DZIP3: variants seen among roughly 807,000 people sequenced by gnomAD.
DZIP3 encodes E3 ubiquitin-protein ligase DZIP3.
A neutral mutation model predicts 162.0 loss-of-function variants in DZIP3; 118 were observed. The ratio of observed to expected loss-of-function variants is 0.73; its 90% CI spans 0.63 to 0.85. The LOEUF is 0.85. DZIP3 is among the 40% of genes least tolerant of loss of function. DZIP3 has a pLI of 0.00. For missense variants in DZIP3, 1,331 were observed against 1,407.0 expected (o/e 0.95, Z 0.86); for synonymous variants, 438 against 458.6 (o/e 0.96, Z 0.57).
At chr3:108,680,422 A>G (rs1944263695) in intron 26 of DZIP3, among the ~76,000 whole-genome samples, 1 of 152,100 alleles carries the variant, frequency 6.6e-6, no homozygotes, top group South Asian at 2.1e-4. Flanking sequence ...AAACTCCTAA[A>G]ACTAACAAAT....
At chr3:108,628,466 C>G (rs1941685992) in intron 7 of DZIP3, among the ~76,000 whole-genome samples, 1 of 152,096 alleles carries the variant, frequency 6.6e-6, no homozygotes, top group Admixed American at 6.5e-5. Context: ...GCTGTTCTAC[C>G]CTTATGGTTA....
intron 5 of DZIP3, among the ~76,000 whole-genome samples, chr3:108,619,147 T>A (rs1424687669): frequency 1.3e-5 from 2 of 149,686 alleles, no homozygotes; most frequent in African/African-American, 4.9e-5. Flanking sequence ...TTGTTTATGG[T>A]ATGGGGAAAT....
Position 108,644,148 on chromosome 3 carries a change from C to A in DZIP3, c.1142-16C>A. 6.4e-7 allele frequency: 1 copy of A among 1,572,516 alleles called. No homozygotes were observed. The highest frequency in any genetic ancestry group is 1.2e-5 in the South Asian group (1 of 84,104). Reference sequence around the variant, plus strand: ...ATTAATGTGGAATGTCTTGACTTCTCAAAATTTATTTTCAGATGAAATGCC... The same window carrying A: ...ATTAATGTGGAATGTCTTGACTTCTAAAAATTTATTTTCAGATGAAATGCC... On this transcript the variant is annotated splice_polypyrimidine_tract_variant and intron_variant, in intron 13 of 32. Transcript: ENST00000361582.
chr3:108,689,099 G>T (rs886441437), intron 31 of DZIP3, among the ~76,000 whole-genome samples, 175 bp downstream of exon 31: 1 of 152,152 alleles, frequency 6.6e-6, no homozygotes, highest in Admixed American at 6.6e-5. Context: ...GCCATGGATT[G>T]CATTGTGCTC....
At chr3:108,658,137 G>A (rs376584152) in intron 19 of DZIP3, among the ~76,000 whole-genome samples, 1 of 152,050 alleles carries the variant, frequency 6.6e-6, no homozygotes, top group Admixed American at 6.6e-5. Flanking sequence ...GCACCAAGCG[G>A]ACCTAATAGA....
chr3:108,606,146 T>A (rs1392735100), intron 2 of DZIP3, among the ~76,000 whole-genome samples: 1 of 152,236 alleles, frequency 6.6e-6, no homozygotes, highest in African/African-American at 2.4e-5. Context: ...ATAACAACTC[T>A]ATGAAGTGAG....
chr3:108,685,776 A>G (rs1944476853), intron 27 of DZIP3, among the ~76,000 whole-genome samples: 1 of 152,226 alleles, frequency 6.6e-6, no homozygotes, highest in South Asian at 2.1e-4. Flanking sequence ...AATGCGAATA[A>G]TATAGAAATG....
chr3:108,609,259 G>A (rs1940564418), intron 3 of DZIP3, among the ~76,000 whole-genome samples: 1 of 152,048 alleles, frequency 6.6e-6, no homozygotes, highest in Non-Finnish European at 1.5e-5. Context: ...AACTTAGGAG[G>A]GGAAAATATA....
At chr3:108,641,108 CA>C (rs1411913650) in intron 12 of DZIP3, among the ~76,000 whole-genome samples, 5 of 151,938 alleles carry the variant, frequency 3.3e-5, no homozygotes, top group Non-Finnish European at 7.4e-5. Flanking sequence ...TGAGGACTTA[CA>C]ATACATATTT....
intron 6 of DZIP3, among the ~76,000 whole-genome samples, chr3:108,624,862 C>T (rs1003425401): frequency 6.6e-6 from 1 of 151,984 alleles, no homozygotes; most frequent in African/African-American, 2.4e-5. Context: ...TAGATAATTT[C>T]TAAGGGTTCT....
intron 24 of DZIP3, 82 bp downstream of exon 24, chr3:108,674,263 T>C (rs1576456659): frequency 9.7e-6 from 12 of 1,232,014 alleles, no homozygotes; most frequent in East Asian, 2.3e-5. Flanking sequence ...ATCTGTGATG[T>C]GTTTTACATA....
intron 21 of DZIP3, among the ~76,000 whole-genome samples, chr3:108,667,478 A>T (rs1457155722): frequency 6.6e-6 from 1 of 152,146 alleles, no homozygotes; most frequent in African/African-American, 2.4e-5. Flanking sequence ...TTCCAAGGTT[A>T]TAAGAAGGGG....
At chr3:108,671,321 T>C (rs957343373) in intron 22 of DZIP3, among the ~76,000 whole-genome samples, 2 of 151,956 alleles carry the variant, frequency 1.3e-5, no homozygotes, top group African/African-American at 4.8e-5. Context: ...AGTATCCAAG[T>C]GTTTCTGATA....
chr3:108,644,494 C>T lies in DZIP3; in HGVS notation c.1472C>T (p.Pro491Leu), dbSNP rs773750250. The change falls in exon 14 of 33, where the codon CCG (proline) becomes CTG (leucine). Residue 491 changes from proline to leucine, a missense_variant. Coordinates refer to ENST00000361582, the MANE Select transcript of DZIP3 (RefSeq NM_014648.4). ...CCCAAAAAAGGATGGAATATGGAAC[C>T]GCCATCTTCTGACATCTCTAAATCT... ...PAPKKGWNME[P>L]PSSDISKSAD... 17 of 1,613,900 alleles carry T rather than the reference C, an allele frequency of 1.1e-5. 1 individual carries two copies. The highest frequency in any genetic ancestry group is 5.5e-5 in the South Asian group (5 of 91,074).
intron 7 of DZIP3, among the ~76,000 whole-genome samples, chr3:108,628,172 C>CTATTCACTGATTTTCTGA (rs1559738874): frequency 6.6e-6 from 1 of 152,152 alleles, no homozygotes; most frequent in Non-Finnish European, 1.5e-5. Context: ...CCACCGCACC[C>CTATTCACTGATTTTCTGA]AGCCAGTAGG....
intron 24 of DZIP3, among the ~76,000 whole-genome samples, chr3:108,675,182 A>G (rs1944059686): frequency 6.6e-6 from 1 of 151,950 alleles, no homozygotes; most frequent in African/African-American, 2.4e-5. Flanking sequence ...GACCCTAACA[A>G]CTTCAAAGTT....
chr3:108,669,145 A>C (rs1322282614), intron 21 of DZIP3, among the ~76,000 whole-genome samples: 1 of 151,942 alleles, frequency 6.6e-6, no homozygotes, highest in Non-Finnish European at 1.5e-5. Flanking sequence ...CCATGATAAG[A>C]TCATGTGAGT....
At position 108,693,582 on chromosome 3, in the gene DZIP3, C is replaced by A. The variant is rs1037284599; in HGVS notation, c.*229C>A. 6.6e-6 allele frequency: 1 copy of A among 152,210 alleles called. No homozygotes were observed. Among genetic ancestry groups the A allele is most frequent in the East Asian group, 1.9e-4 (1 of 5,188 alleles). 9.4% of individuals were successfully genotyped at this position (152,210 alleles called of 1,614,324 possible). A position where few individuals can be genotyped will look rare whatever the true frequency, so the allele number is the denominator to read the frequency against. On this transcript the variant is annotated 3_prime_UTR_variant, in exon 33 of 33. Coordinates refer to ENST00000361582, the MANE Select transcript of DZIP3 (RefSeq NM_014648.4). ...TTCCCTTAAGAGCTAGTTGTTAAACCTTTACCAGCATACCACTGGACCTTG... is the reference window on the plus strand; with the variant it reads ...TTCCCTTAAGAGCTAGTTGTTAAACATTTACCAGCATACCACTGGACCTTG...
At chr3:108,637,577 CT>C in intron 12 of DZIP3, 29 bp downstream of exon 12, 2 of 1,585,924 alleles carry the variant, frequency 1.3e-6, no homozygotes, top group Admixed American at 1.8e-5. Flanking sequence ...ACTCTGTTAC[CT>C]TTTTTGGAAT....
Sources: allele counts gnomAD v4.1 joint callset (sites outside exome capture counted in the v4.1 genomes callset), GRCh38; gene constraint gnomAD v4.1.1; transcripts MANE v1.5; gene names NCBI Gene and HGNC (gene_info 2026-07-23, HGNC 2026-07-21).